The following NRXN2 variants were observed in gnomAD, a reference collection of about 807,000 sequenced individuals.
NRXN2 encodes neurexin 2, also known as neurexin-2-beta.
In NRXN2, 29 loss-of-function variants were observed where a neutral mutation model predicts 128.8. The ratio of observed to expected loss-of-function variants is 0.23; its 90% CI spans 0.17 to 0.31. The LOEUF (loss-of-function observed/expected upper bound fraction) is 0.31. NRXN2 is among the 10% of genes least tolerant of loss of function. The pLI, the probability that NRXN2 is intolerant of heterozygous loss-of-function variation, is 1.00. For synonymous variants in NRXN2, 1,098 were observed against 1,075.2 expected (o/e 1.02, Z -0.41); for missense variants, 1,881 against 2,452.6 (o/e 0.77, Z 4.92).
At chr11:64,615,829 CGTGTGTGTGTGTGTGTGTGTGT>C (rs34781745) in intron 22 of NRXN2, among the ~76,000 whole-genome samples, 2 of 139,010 alleles carry the variant, frequency 1.4e-5, no homozygotes, top group Admixed American at 7.0e-5. Flanking sequence ...TAGGCCCAAG[CGTGTGTGTGTGTGTGTGTGTGT>C]GTGTGTGTGT....
chr11:64,672,830 G>C (rs1014738637), intron 7 of NRXN2, among the ~76,000 whole-genome samples: 2 of 152,172 alleles, frequency 1.3e-5, no homozygotes, highest in Admixed American at 1.3e-4. Flanking sequence ...GGGTTGGAAA[G>C]ACACACCATG....
At position 64,623,026 on chromosome 11, in the gene NRXN2, C is replaced by T. The variant is rs2042597147; in HGVS notation, c.3900G>A (p.Arg1300=). The change falls in exon 21 of 23, where the codon CGG becomes CGA. Residue 1300 remains arginine (R), a synonymous_variant. Coordinates refer to ENST00000265459, the MANE Select transcript of NRXN2 (RefSeq NM_015080.4). The surrounding 1 kb of genome is among the most constrained non-coding windows in gnomAD (Gnocchi z 4.9). The stretch of plus-strand genomic sequence containing the variant: ...GGCCCTGGAAGGGGCGGCCCTGATC[C>T]CGGCCCCCGATCTTGATGGCAGCCT... The part of the protein sequence containing the change: ...NSQAAIKIGG[R]DQGRPFQGQV... 1 of 1,611,592 alleles carries T rather than the reference C, an allele frequency of 6.2e-7. No individual in the cohort carries two copies. Among genetic ancestry groups the T allele is most frequent in the Admixed American group, 1.7e-5 (1 of 59,840 alleles).
At chr11:64,656,433 A>G (rs942354517) in intron 11 of NRXN2, among the ~76,000 whole-genome samples, 1 of 152,220 alleles carries the variant, frequency 6.6e-6, no homozygotes, top group Non-Finnish European at 1.5e-5. Flanking sequence ...GAATTTCAGA[A>G]GGGCAGGGTG....
At chr11:64,681,398 G>A (rs1260566831) in intron 6 of NRXN2, among the ~76,000 whole-genome samples, 2 of 152,160 alleles carry the variant, frequency 1.3e-5, no homozygotes, top group Non-Finnish European at 2.9e-5. Flanking sequence ...AACACAGGCA[G>A]AATGTGATGA....
At chr11:64,688,394 G>A (rs968806405) in intron 5 of NRXN2, 3 of 985,318 alleles carry the variant, frequency 3.0e-6, no homozygotes, top group African/African-American at 1.7e-5. Flanking sequence ...AGATGAGCAA[G>A]TGTGGAAAGA....
chr11:64,695,090 A>G (rs1013529973), intron 3 of NRXN2, among the ~76,000 whole-genome samples: 1 of 151,708 alleles, frequency 6.6e-6, no homozygotes, highest in Non-Finnish European at 1.5e-5. Context: ...CTTCCTGTCT[A>G]CCCCTGGCTC....
chr11:64,679,156 C>T (rs1316869150), intron 6 of NRXN2, among the ~76,000 whole-genome samples: 1 of 152,114 alleles, frequency 6.6e-6, no homozygotes. Context: ...CAACCAGGCC[C>T]AGAACGGTAA....
intron 2 of NRXN2, among the ~76,000 whole-genome samples, chr11:64,709,854 C>T (rs181959874): frequency 2.6e-5 from 4 of 151,932 alleles, no homozygotes; most frequent in Middle Eastern, 3.4e-3. Flanking sequence ...CACAAGCAAC[C>T]CTGCCCCTAC....
Position 64,623,833 on chromosome 11 carries a change from T to G in NRXN2, c.3848-755A>C, listed in dbSNP as rs1339001097. The stretch of plus-strand genomic sequence containing the variant: ...GTTAAAGGGACCTTGCTTCGCTCAC[T>G]GACAGCCAATAAAACCCGCTCCAGC... On this transcript the variant is annotated intron_variant, in intron 20 of 22. Coordinates refer to ENST00000265459, the MANE Select transcript of NRXN2 (RefSeq NM_015080.4). The surrounding 1 kb of genome is among the most constrained non-coding windows in gnomAD (Gnocchi z 4.9). The G allele has an allele frequency of 1.3e-5, 2 of 152,322 alleles. No homozygotes were observed. The highest frequency in any genetic ancestry group is 4.8e-5 in the African/African-American group (2 of 41,422). 9.4% of individuals were successfully genotyped at this position (152,322 alleles called of 1,614,324 possible).
chr11:64,685,715 C>T lies in NRXN2; in HGVS notation c.1083G>A (p.Val361=). 1 of 1,614,206 alleles carries T rather than the reference C, an allele frequency of 6.2e-7. No individual in the cohort carries two copies. The highest frequency in any genetic ancestry group is 8.5e-7 in the Non-Finnish European group (1 of 1,180,040). ...CGTTGAACTTGCCATTGACGGGTTC[C>T]ACAAGGGCCTCGAAGGCACCTGAGC... ...NLGSGAFEAL[V]EPVNGKFNDN... Residue 361 remains valine (V), a synonymous_variant, in exon 6 of 23, where the codon GTG becomes GTA. Transcript: ENST00000265459.
At position 64,652,053 on chromosome 11, in the gene NRXN2, C is replaced by T; in HGVS notation, c.2518G>A (p.Asp840Asn). ...RRGKSLQLSV[D>N]NVTVEGQMAG... ...CACCTACCCTCCACAGTCACGTTGTCCACAGACAGCTGCAGGCTCTTGCCA... is the reference window on the plus strand; with the variant it reads ...CACCTACCCTCCACAGTCACGTTGTTCACAGACAGCTGCAGGCTCTTGCCA... Residue 840 changes from aspartate (D) to asparagine (N), a missense_variant, in exon 13 of 23, where the codon GAC becomes AAC. Transcript: ENST00000265459. 6.2e-7 allele frequency: 1 copy of T among 1,612,868 alleles called. No homozygotes were observed. Among genetic ancestry groups the T allele is most frequent in the Non-Finnish European group, 8.5e-7 (1 of 1,179,984 alleles).
At chr11:64,685,528 A>T (rs140408430) in intron 6 of NRXN2, 118 bp downstream of exon 6, 1 of 1,359,668 alleles carries the variant, frequency 7.4e-7, no homozygotes, top group Non-Finnish European at 1.0e-6. Context: ...CTTCTCCAGA[A>T]CCACACCTCA....
intron 2 of NRXN2, among the ~76,000 whole-genome samples, chr11:64,712,035 C>A (rs1439209826): frequency 6.6e-6 from 1 of 152,224 alleles, no homozygotes; most frequent in Non-Finnish European, 1.5e-5. Flanking sequence ...GCACTTCCCG[C>A]CCTTGGCTCG....
chr11:64,657,687 G>A (rs12271728), intron 11 of NRXN2, among the ~76,000 whole-genome samples: 3,251 of 152,252 alleles, frequency 0.021, 104 homozygotes, highest in African/African-American at 0.071. Context: ...CTTCTGGCCC[G>A]GAGCCCAGAA....
Position 64,653,726 on chromosome 11 carries a change from G to C in NRXN2, c.2390-4C>G, listed in dbSNP as rs770261768. 7 of 1,590,320 alleles carry C rather than the reference G, an allele frequency of 4.4e-6. No homozygotes were observed. The African/African-American group carries it at 5.3e-5, about 12-fold the overall frequency. On this transcript the variant is annotated splice_polypyrimidine_tract_variant and splice_region_variant and intron_variant, in intron 11 of 22. Coordinates refer to ENST00000265459, the MANE Select transcript of NRXN2 (RefSeq NM_015080.4). The stretch of plus-strand genomic sequence containing the variant: ...GCGCAGCCGACGCGCAGGCAGTCTG[G>C]GGGGGCCATGGGGCGGGCAGAGGGG...
At chr11:64,695,167 C>T (rs182468761) in intron 3 of NRXN2, among the ~76,000 whole-genome samples, 2 of 152,196 alleles carry the variant, frequency 1.3e-5, no homozygotes, top group Admixed American at 6.5e-5. Flanking sequence ...ATCTCTGCTC[C>T]CTCCTCCTGG....
chr11:64,651,246 G>C lies in NRXN2; in HGVS notation c.2918+9C>G. Reference sequence around the variant, plus strand: ...CTCCTTGACAGCAGTGCAATCCCCAGCCCCTCACCCCTTGACCAGCTCGAT... The same window carrying C: ...CTCCTTGACAGCAGTGCAATCCCCACCCCCTCACCCCTTGACCAGCTCGAT... On this transcript the variant is annotated intron_variant, in intron 14 of 22. Coordinates refer to ENST00000265459, the MANE Select transcript of NRXN2 (RefSeq NM_015080.4). This position sits in a 1 kb window ranked among gnomAD's most constrained non-coding sequence, Gnocchi z 5.9. 2 of 1,613,942 alleles carry C rather than the reference G, an allele frequency of 1.2e-6. No individual in the cohort carries two copies. Among genetic ancestry groups the C allele is most frequent in the Non-Finnish European group, 1.7e-6 (2 of 1,180,006 alleles).
intron 2 of NRXN2, among the ~76,000 whole-genome samples, chr11:64,711,128 C>T (rs2056844848): frequency 6.6e-6 from 1 of 152,244 alleles, no homozygotes; most frequent in African/African-American, 2.4e-5. Flanking sequence ...CAGGGCCACA[C>T]CTGCAGGCTG....
In NRXN2 at chr11:64,615,686, C is replaced by T. The variant is rs148236054; in HGVS notation, c.4252+4608G>A. ...ACCTGAGTGGGAGCACACAGGCATACAGGCATGCCTTGTACTGTGTCTGAA... is the reference window on the plus strand; with the variant it reads ...ACCTGAGTGGGAGCACACAGGCATATAGGCATGCCTTGTACTGTGTCTGAA... On this transcript the variant is annotated intron_variant, in intron 22 of 22. Transcript: ENST00000265459. 4.5e-3 allele frequency among the ~76,000 whole-genome samples: 678 copies of T among 152,356 alleles called. 1 individual carries two copies. The highest frequency in any genetic ancestry group is 6.7e-3 in the Non-Finnish European group (458 of 68,034).
Sources: gnomAD v4.1 joint callset for allele counts (sites outside exome capture counted in the v4.1 genomes callset) on GRCh38, gnomAD v4.1.1 for gene constraint, Gnocchi (gnomAD v3.1) non-coding constraint, MANE v1.5 for transcripts, NCBI Gene and HGNC (gene_info 2026-07-23, HGNC 2026-07-21) for gene names.